WDR59: variants seen among roughly 807,000 people sequenced by gnomAD.
WDR59 encodes the protein WD repeat domain 59.
In WDR59, 100 loss-of-function variants were observed where a neutral mutation model predicts 131.2. That is an observed-to-expected ratio of 0.76 (90% CI 0.65 to 0.90). WDR59 has a LOEUF of 0.90. WDR59 is among the 40% of genes least tolerant of loss of function. The pLI is 0.00. For missense variants in WDR59, 1,203 were observed against 1,262.2 expected, an observed-to-expected ratio of 0.95 and a Z score of 0.71; for synonymous variants, 601 against 466.2, an observed-to-expected ratio of 1.29 and a Z score of -3.72.
intron 18 of WDR59, among the ~76,000 whole-genome samples, chr16:74,902,702 C>T (rs753765696): frequency 5.3e-5 from 8 of 152,184 alleles, no homozygotes; most frequent in Non-Finnish European, 1.0e-4. Context: ...AACCATGAGC[C>T]TGGCTTTCAT....
Position 74,968,133 on chromosome 16 carries a change from G to A in WDR59, c.55-2311C>T, listed in dbSNP as rs547755210. ...ATGGAGGTTGCCAGGGTCTGGGGAA[G>A]TAGAGAATGCGGAGTTACTGTTTAA... On this transcript the variant is annotated intron_variant, in intron 1 of 25. Coordinates refer to ENST00000262144, the MANE Select transcript of WDR59 (RefSeq NM_030581.4). 1.9e-3 allele frequency among the ~76,000 whole-genome samples: 294 copies of A among 152,246 alleles called. 1 individual carries two copies. The highest frequency in any genetic ancestry group is 2.8e-3 in the Non-Finnish European group (189 of 68,024).
chr16:74,895,540 G>T (rs915136958), intron 18 of WDR59, among the ~76,000 whole-genome samples: 1 of 152,158 alleles, frequency 6.6e-6, no homozygotes. Context: ...TAAGATTACA[G>T]GCATGAGCCA....
chr16:74,915,053 G>C (rs758765856), intron 13 of WDR59, among the ~76,000 whole-genome samples: 76 of 152,166 alleles, frequency 5.0e-4, no homozygotes, highest in Non-Finnish European at 9.6e-4. Context: ...TGTTCCACAG[G>C]CTAAGCAAAC....
At chr16:74,951,994 T>G (rs575518981) in intron 3 of WDR59, among the ~76,000 whole-genome samples, 5 of 151,982 alleles carry the variant, frequency 3.3e-5, no homozygotes, top group South Asian at 2.1e-4. Context: ...TTTTGTTTTT[T>G]TTTTTTTCTT....
chr16:74,896,032 A>G (rs1416823601), intron 18 of WDR59, among the ~76,000 whole-genome samples: 1 of 152,144 alleles, frequency 6.6e-6, no homozygotes, highest in Non-Finnish European at 1.5e-5. Context: ...CCAGGAAACA[A>G]CACACCCACA....
intron 1 of WDR59, among the ~76,000 whole-genome samples, chr16:74,974,985 G>A (rs2034128449): frequency 6.6e-6 from 1 of 152,160 alleles, no homozygotes; most frequent in Non-Finnish European, 1.5e-5. Context: ...ATATGACTGT[G>A]AAGCCTCCTT....
chr16:74,931,696 A>G (rs2031403157), intron 8 of WDR59, among the ~76,000 whole-genome samples: 1 of 152,060 alleles, frequency 6.6e-6, no homozygotes, highest in South Asian at 2.1e-4. Flanking sequence ...GAACATGGGG[A>G]GACCCATCTC....
chr16:74,953,032 C>T (rs1055876783), intron 3 of WDR59, among the ~76,000 whole-genome samples: 9 of 152,110 alleles, frequency 5.9e-5, no homozygotes, highest in African/African-American at 2.2e-4. Flanking sequence ...TCTGACCTCT[C>T]CCAGCACACG....
intron 10 of WDR59, among the ~76,000 whole-genome samples, chr16:74,921,328 C>G (rs929397119): frequency 6.6e-6 from 1 of 152,062 alleles, no homozygotes; most frequent in South Asian, 2.1e-4. Flanking sequence ...AATAGTAACT[C>G]GTACTCAAAA....
At chr16:74,981,816 C>G (rs573060514) in intron 1 of WDR59, among the ~76,000 whole-genome samples, 1 of 141,804 alleles carries the variant, frequency 7.1e-6, no homozygotes. Flanking sequence ...CCACTATGGT[C>G]GGCTAATTTT....
chr16:74,913,079 G>A (rs1408167272), intron 13 of WDR59, among the ~76,000 whole-genome samples: 1 of 151,894 alleles, frequency 6.6e-6, no homozygotes, highest in Non-Finnish European at 1.5e-5. Context: ...TTGGGGGGGG[G>A]GGGGGCCTGT....
intron 1 of WDR59, 44 bp from the exon 2 acceptor site, chr16:74,965,866 C>T (rs756149183): frequency 5.0e-6 from 8 of 1,611,754 alleles, no homozygotes; most frequent in Admixed American, 3.3e-5. Context: ...CAAACCCAGC[C>T]GGGGATAGAA....
At position 74,949,699 on chromosome 16, in the gene WDR59, G is replaced by T. The variant is rs186368926; in HGVS notation, c.407+19C>A. On this transcript the variant is annotated intron_variant, in intron 5 of 25. Transcript: ENST00000262144. ...AAATCACCCCCAACCAAGTGGTTAT[G>T]CCTCCTAATTGTTCTTACTTGATAT... 2.2e-5 allele frequency: 35 copies of T among 1,610,322 alleles called. No homozygotes were observed. The Admixed American group carries it at 5.8e-4, about 27-fold the overall frequency.
At chr16:74,952,338 A>T (rs2033048420) in intron 3 of WDR59, among the ~76,000 whole-genome samples, 1 of 150,716 alleles carries the variant, frequency 6.6e-6, no homozygotes, top group South Asian at 2.1e-4. Context: ...GCTACTTGAC[A>T]GGCTGAGGTG....
intron 13 of WDR59, among the ~76,000 whole-genome samples, chr16:74,914,122 G>C (rs926238087): frequency 6.6e-6 from 1 of 152,162 alleles, no homozygotes; most frequent in Non-Finnish European, 1.5e-5. Flanking sequence ...TGAGGCAGGA[G>C]AATCGCGTGA....
At position 74,894,470 on chromosome 16, in the gene WDR59, A is replaced by G. The variant is rs534060479; in HGVS notation, c.1867-658T>C. On this transcript the variant is annotated intron_variant, in intron 18 of 25. Transcript: ENST00000262144. Reference sequence around the variant, plus strand: ...CCCAGGCTTACCTATGGGTGGCTACATGTGTGAGGAGCCTGTATGTGTGAA... The same window carrying G: ...CCCAGGCTTACCTATGGGTGGCTACGTGTGTGAGGAGCCTGTATGTGTGAA... Among the ~76,000 whole-genome samples the G allele has an allele frequency of 2.2e-4, 33 of 152,306 alleles. 1 individual carries two copies. The South Asian group carries it at 6.8e-3, about 32-fold the overall frequency.
intron 1 of WDR59, among the ~76,000 whole-genome samples, chr16:74,973,372 A>T (rs2034064052): frequency 6.6e-6 from 1 of 152,148 alleles, no homozygotes; most frequent in Non-Finnish European, 1.5e-5. Flanking sequence ...TTGCAGCCTC[A>T]AACTCCTGGG....
intron 8 of WDR59, among the ~76,000 whole-genome samples, chr16:74,934,467 T>C (rs1404469890): frequency 1.3e-5 from 2 of 152,228 alleles, no homozygotes; most frequent in African/African-American, 4.8e-5. Context: ...CAATCACTGA[T>C]GCAGTCTTAT....
At chr16:74,959,438 C>A in intron 2 of WDR59, 1 of 403,126 alleles carries the variant, frequency 2.5e-6, no homozygotes, top group South Asian at 1.7e-5. Context: ...CCGGAGGAAA[C>A]CTGAAGGATA....
Sources: gnomAD v4.1 joint callset for allele counts (sites outside exome capture counted in the v4.1 genomes callset) on GRCh38, gnomAD v4.1.1 for gene constraint, MANE v1.5 for transcripts, NCBI Gene and HGNC (gene_info 2026-07-23, HGNC 2026-07-21) for gene names.